The following RORA variants were observed in gnomAD, a reference collection of about 807,000 sequenced individuals.
RORA encodes nuclear receptor ROR-alpha.
A neutral mutation model predicts 69.5 loss-of-function variants in RORA; 7 were observed. The ratio of observed to expected loss-of-function variants is 0.10; its 90% CI spans 0.06 to 0.19. The LOEUF is 0.19. RORA is among the 10% of genes least tolerant of loss of function. The probability of loss-of-function intolerance (pLI) is 1.00; values close to 1 mark genes in which losing one functional copy is unlikely to be tolerated. For synonymous variants in RORA, 261 were observed against 240.8 expected (o/e 1.08, Z -0.78); for missense variants, 457 against 663.0 (o/e 0.69, Z 3.41).
At chr15:60,549,950 G>A (rs2140386336) in intron 2 of RORA, among the ~76,000 whole-genome samples, 1 of 152,262 alleles carries the variant, frequency 6.6e-6, no homozygotes, top group East Asian at 1.9e-4. Context: ...AAACTAAGTG[G>A]CTGAAGATGT....
chr15:60,664,222 G>A (rs1486577688), intron 2 of RORA, among the ~76,000 whole-genome samples: 2 of 152,186 alleles, frequency 1.3e-5, no homozygotes, highest in Non-Finnish European at 2.9e-5. Flanking sequence ...TTGATTTAGA[G>A]ATACCAGGCA....
At chr15:61,101,695 G>A (rs141035661) in intron 1 of RORA, among the ~76,000 whole-genome samples, 1 of 152,050 alleles carries the variant, frequency 6.6e-6, no homozygotes, top group East Asian at 1.9e-4. Flanking sequence ...TTTCAAGCAG[G>A]AGAGTGACAG....
At position 61,052,915 on chromosome 15, in the gene RORA, T is replaced by C. The variant is rs185755446; in HGVS notation, c.166+176138A>G. 9.2e-4 allele frequency among the ~76,000 whole-genome samples: 140 copies of C among 152,298 alleles called. 2 individuals carry two copies. The highest frequency in any genetic ancestry group is 7.7e-3 in the South Asian group (37 of 4,820). ...ACCTAGCTGTTCGCCGGTACAAGATTAAGGAAGTGACAGCTTTTCCTAATT... is the reference window on the plus strand; with the variant it reads ...ACCTAGCTGTTCGCCGGTACAAGATCAAGGAAGTGACAGCTTTTCCTAATT... On this transcript the variant is annotated intron_variant, in intron 1 of 10. Transcript: ENST00000335670.
chr15:60,724,767 T>C (rs186596354), intron 1 of RORA, among the ~76,000 whole-genome samples: 9 of 152,316 alleles, frequency 5.9e-5, no homozygotes, highest in African/African-American at 1.2e-4. Context: ...ACATGAGCCA[T>C]AGCAGGTGTT....
At chr15:60,514,906 A>G in intron 3 of RORA, 149 bp from the exon 4 acceptor site, 1 of 603,080 alleles carries the variant, frequency 1.7e-6, no homozygotes, top group Non-Finnish European at 2.8e-6. Flanking sequence ...TAATGAAATT[A>G]AAGTCACTTC....
At chr15:60,662,372 C>T (rs546263955) in intron 2 of RORA, among the ~76,000 whole-genome samples, 1 of 152,304 alleles carries the variant, frequency 6.6e-6, no homozygotes, top group East Asian at 1.9e-4. Context: ...AATTATTAGA[C>T]AGTAGCAAAC....
At chr15:61,209,413 T>A (rs1351792326) in intron 1 of RORA, among the ~76,000 whole-genome samples, 2 of 152,022 alleles carry the variant, frequency 1.3e-5, no homozygotes, top group African/African-American at 4.8e-5. Context: ...CATAGGAAAA[T>A]ACAACTCTGT....
chr15:61,143,822 G>A (rs1205802169), intron 1 of RORA, among the ~76,000 whole-genome samples: 1 of 151,872 alleles, frequency 6.6e-6, no homozygotes, highest in Non-Finnish European at 1.5e-5. Context: ...CGGAAACAAA[G>A]GAACATTAGA....
chr15:60,568,113 G>A (rs1424760610), intron 2 of RORA, among the ~76,000 whole-genome samples: 1 of 152,232 alleles, frequency 6.6e-6, no homozygotes, highest in African/African-American at 2.4e-5. Flanking sequence ...AGTGCCCCCA[G>A]TTGAGAACCA....
chr15:60,995,530 G>T (rs1228635042), intron 1 of RORA, among the ~76,000 whole-genome samples: 1 of 152,108 alleles, frequency 6.6e-6, no homozygotes, highest in Non-Finnish European at 1.5e-5. Flanking sequence ...CCTTCAAACT[G>T]GTGGGGCTTC....
intron 1 of RORA, among the ~76,000 whole-genome samples, chr15:60,957,604 G>A (rs925808248): frequency 2.6e-5 from 4 of 152,216 alleles, no homozygotes; most frequent in Admixed American, 2.6e-4. Flanking sequence ...CCCTGAGGGG[G>A]CTATAGTTCA....
chr15:61,229,014 T>G (rs1424883892), intron 1 of RORA, 39 bp downstream of exon 1: 2 of 1,218,644 alleles, frequency 1.6e-6, no homozygotes, highest in Non-Finnish European at 2.1e-6. Context: ...GCGCCCGGGC[T>G]CCCGCCGCCC....
At chr15:60,914,566 T>C (rs534354810) in intron 1 of RORA, among the ~76,000 whole-genome samples, 15 of 152,370 alleles carry the variant, frequency 9.8e-5, no homozygotes, top group African/African-American at 3.6e-4. Flanking sequence ...CAGAACGCAG[T>C]AAATATTTGT....
At chr15:60,691,122 G>A (rs960656535) in intron 1 of RORA, among the ~76,000 whole-genome samples, 6 of 152,066 alleles carry the variant, frequency 3.9e-5, no homozygotes, top group African/African-American at 1.4e-4. Flanking sequence ...CTTTCTGTTT[G>A]TAGTTCCCTC....
At chr15:61,029,198 A>G (rs765456303) in intron 1 of RORA, among the ~76,000 whole-genome samples, 2 of 152,142 alleles carry the variant, frequency 1.3e-5, no homozygotes, top group Non-Finnish European at 2.9e-5. Flanking sequence ...TGTGAATTAT[A>G]TCCCAATAAA....
chr15:61,161,505 C>T (rs1197564984), intron 1 of RORA, among the ~76,000 whole-genome samples: 2 of 152,090 alleles, frequency 1.3e-5, no homozygotes, highest in East Asian at 3.9e-4. Context: ...GCTGGGAGAA[C>T]GTAATGAAAT....
At chr15:60,954,094 A>G (rs1268203764) in intron 1 of RORA, among the ~76,000 whole-genome samples, 2 of 148,958 alleles carry the variant, frequency 1.3e-5, no homozygotes, top group Non-Finnish European at 3.0e-5. Context: ...CATATACACC[A>G]TGGAATACTA....
At chr15:60,667,103 A>G (rs2070392570) in intron 2 of RORA, among the ~76,000 whole-genome samples, 1 of 152,198 alleles carries the variant, frequency 6.6e-6, no homozygotes, top group South Asian at 2.1e-4. Context: ...AATTTAGCCA[A>G]GACAGATTTT....
At chr15:60,519,658 C>T (rs145496454) in intron 3 of RORA, among the ~76,000 whole-genome samples, 403 of 152,298 alleles carry the variant, frequency 2.6e-3, no homozygotes, top group African/African-American at 9.1e-3. Context: ...GACCCAGCTT[C>T]CTACCGCCCA....
Sources: allele counts gnomAD v4.1 joint callset (sites outside exome capture counted in the v4.1 genomes callset), GRCh38; gene constraint gnomAD v4.1.1; transcripts MANE v1.5; gene names NCBI Gene and HGNC (gene_info 2026-07-23, HGNC 2026-07-21).